Variants in CLIP1 observed in about 807,000 individuals in gnomAD.
CLIP1 encodes CAP-Gly domain containing linker protein 1.
Under a neutral mutation model 161.6 loss-of-function variants are expected in CLIP1, and 66 were observed. The observed-to-expected ratio is 0.41, with a 90% confidence interval of 0.33 to 0.50. The LOEUF (loss-of-function observed/expected upper bound fraction) is 0.50, where lower values mean the gene tolerates loss of function less well. Ranked by LOEUF, CLIP1 falls within the 20% of genes least tolerant of loss-of-function variation. The probability of loss-of-function intolerance (pLI) is 0.27; values close to 1 mark genes in which losing one functional copy is unlikely to be tolerated. For synonymous variants in CLIP1, 598 were observed against 626.2 expected, an observed-to-expected ratio of 0.96 and a Z score of 0.67; for missense variants, 1,376 against 1,702.0, an observed-to-expected ratio of 0.81 and a Z score of 3.37.
chr12:122,419,057 A>G (rs962672266), intron 1 of CLIP1, among the ~76,000 whole-genome samples: 1 of 152,168 alleles, frequency 6.6e-6, no homozygotes, highest in South Asian at 2.1e-4. Flanking sequence ...TCTGACATTT[A>G]TGAACCTTAT....
Position 122,336,702 on chromosome 12 carries a change from G to C in CLIP1, c.2498C>G (p.Thr833Ser). 7 of 1,612,038 alleles carry C rather than the reference G, an allele frequency of 4.3e-6. No individual in the cohort carries two copies. Among genetic ancestry groups the C allele is most frequent in the Non-Finnish European group, 5.9e-6 (7 of 1,179,040 alleles). The change falls in exon 12 of 26, where the codon ACT becomes AGT. Residue 833 changes from threonine to serine, a missense_variant. Physicochemically the swap from Thr to Ser is moderately conservative, Grantham distance 58. Coordinates refer to ENST00000620786, the MANE Select transcript of CLIP1 (RefSeq NM_001247997.2). ...TTCACTCAAATTTTCCTGAAGGTTA[G>C]TAAGCTTTAGCTCTCTCCCCTGGAG... ...RELQGRELKL[T>S]NLQENLSEVS...
At chr12:122,407,221 G>A (rs1956357402) in intron 1 of CLIP1, among the ~76,000 whole-genome samples, 1 of 152,144 alleles carries the variant, frequency 6.6e-6, no homozygotes, top group Non-Finnish European at 1.5e-5. Flanking sequence ...TAGCAATCTA[G>A]TTCAACTCTC....
chr12:122,359,630 C>T (rs778330309), intron 5 of CLIP1, among the ~76,000 whole-genome samples: 38 of 152,128 alleles, frequency 2.5e-4, no homozygotes, highest in Non-Finnish European at 4.7e-4. Context: ...CCTCTTTATG[C>T]GCAAATGGAA....
At chr12:122,384,731 G>A (rs1478880353) in intron 1 of CLIP1, among the ~76,000 whole-genome samples, 3 of 150,862 alleles carry the variant, frequency 2.0e-5, no homozygotes, top group South Asian at 2.1e-4. Flanking sequence ...ACTGCACTCC[G>A]GCCTGGGTGA....
chr12:122,422,471 G>C (rs1186437610), intron 1 of CLIP1, 50 bp downstream of exon 1: 1 of 151,732 alleles, frequency 6.6e-6, no homozygotes, highest in Non-Finnish European at 1.5e-5. Context: ...GCCGGCAGGG[G>C]AGCAGGGGGT....
At chr12:122,314,800 T>G (rs1175395092) in intron 19 of CLIP1, among the ~76,000 whole-genome samples, 1 of 152,204 alleles carries the variant, frequency 6.6e-6, no homozygotes, top group African/African-American at 2.4e-5. Context: ...GCTTCCTGAA[T>G]GAATAGAACT....
intron 2 of CLIP1, among the ~76,000 whole-genome samples, chr12:122,379,267 C>T (rs1954890277): frequency 6.7e-6 from 1 of 150,292 alleles, no homozygotes; most frequent in African/African-American, 2.5e-5. Context: ...GAGATTGAGC[C>T]ACTGCATTCC....
chr12:122,276,357 A>G (rs1566066516), intron 24 of CLIP1: 1 of 1,140,926 alleles, frequency 8.8e-7, no homozygotes, highest in Non-Finnish European at 1.1e-6. Flanking sequence ...AAAAGCCACA[A>G]AATGGACATA....
At chr12:122,414,615 C>T (rs927368249) in intron 1 of CLIP1, among the ~76,000 whole-genome samples, 3 of 152,052 alleles carry the variant, frequency 2.0e-5, no homozygotes, top group African/African-American at 7.2e-5. Context: ...CAGGCACCTG[C>T]CACCATGCCT....
intron 1 of CLIP1, among the ~76,000 whole-genome samples, chr12:122,390,281 T>TACATATATATATATATATATATAC (rs34862258): frequency 1.8e-5 from 2 of 110,434 alleles, no homozygotes; most frequent in African/African-American, 4.2e-5. Context: ...TATATATACA[T>TACATATATATATATATATATATAC]ATATATATAT....
Position 122,327,062 on chromosome 12 carries a change from T to G in CLIP1, c.3249+885A>C, listed in dbSNP as rs576672316. Reference sequence around the variant, plus strand: ...TAAACTCCTATAAACACATTAAAAATAAAGAAAGGTGAATATTTACTTTCC... The same window carrying G: ...TAAACTCCTATAAACACATTAAAAAGAAAGAAAGGTGAATATTTACTTTCC... On this transcript the variant is annotated intron_variant, in intron 17 of 25. Transcript: ENST00000620786. Among the ~76,000 whole-genome samples the G allele has an allele frequency of 4.6e-5, 7 of 152,262 alleles. No homozygotes were observed. In the East Asian group the frequency reaches 7.7e-4, roughly 17 times the overall value.
Position 122,383,515 on chromosome 12 carries a change from CTCTGGTTGTCGGTCCA to C in CLIP1, c.-106-2973_-106-2958del, listed in dbSNP as rs1267699643. ...GGGCTCTGTTGTCCAATCCTCATGC[CTCTGGTTGTCGGTCCA>C]TCTGTGTTCCTTGAATCCTAACGCG... On this transcript the variant is annotated intron_variant, in intron 1 of 25. Coordinates refer to ENST00000620786, the MANE Select transcript of CLIP1 (RefSeq NM_001247997.2). Among the ~76,000 whole-genome samples, 4 of 152,298 alleles carry C rather than the reference CTCTGGTTGTCGGTCCA, an allele frequency of 2.6e-5. No individual in the cohort carries two copies. The East Asian group carries it at 7.7e-4, about 29-fold the overall frequency.
intron 21 of CLIP1, among the ~76,000 whole-genome samples, chr12:122,287,384 G>A (rs1425099126): frequency 6.6e-6 from 1 of 152,156 alleles, no homozygotes; most frequent in African/African-American, 2.4e-5. Context: ...GCCCTGACGA[G>A]TGGGAATAAT....
At chr12:122,287,230 G>A (rs1012841395) in intron 21 of CLIP1, among the ~76,000 whole-genome samples, 1 of 152,028 alleles carries the variant, frequency 6.6e-6, no homozygotes, top group African/African-American at 2.4e-5. Flanking sequence ...AAGGCCTAAC[G>A]TCCTTTAGAA....
At chr12:122,389,480 C>A (rs1015966992) in intron 1 of CLIP1, among the ~76,000 whole-genome samples, 3 of 152,022 alleles carry the variant, frequency 2.0e-5, no homozygotes, top group Non-Finnish European at 4.4e-5. Context: ...TATAAAGGGC[C>A]GGGTGCGGTG....
intron 15 of CLIP1, among the ~76,000 whole-genome samples, chr12:122,330,206 G>T (rs1243380119): frequency 2.6e-5 from 4 of 152,098 alleles, no homozygotes; most frequent in Non-Finnish European, 5.9e-5. Context: ...AAACTTGGGG[G>T]GCACTTCTGA....
In CLIP1 at chr12:122,274,052, T is replaced by C; in HGVS notation, c.4077A>G (p.Leu1359=). 1 of 1,613,832 alleles carries C rather than the reference T, an allele frequency of 6.2e-7. No homozygotes were observed. Among genetic ancestry groups the C allele is most frequent in the African/African-American group, 1.3e-5 (1 of 75,028 alleles). The change falls in exon 25 of 26, where the codon CTA becomes CTG. Residue 1359 remains leucine (L), a synonymous_variant. Coordinates refer to ENST00000620786, the MANE Select transcript of CLIP1 (RefSeq NM_001247997.2). The part of the protein sequence containing the change: ...EAALNGNGDD[L]NNYDSDDQEK... The stretch of plus-strand genomic sequence containing the variant: ...ATATGAAATACCTGTCATAATTGTT[T>C]AGGTCATCCCCGTTCCCATTCAGGG...
rs1171543390 is a variant in CLIP1 at position 122,380,495 on chromosome 12, C to T, written c.-43G>A. 1 of 1,266,716 alleles carries T rather than the reference C, an allele frequency of 7.9e-7. No homozygotes were observed. The highest frequency in any genetic ancestry group is 1.1e-6 in the Non-Finnish European group (1 of 872,418). The allele number at this position is 1,266,716 out of a possible 1,614,324, so 78.5% of individuals were successfully genotyped here. ...GCTGTTTCTCCTTTGCCTGTTGCCACTATCTTTCCCCAACCATTGATACAA... is the reference window on the plus strand; with the variant it reads ...GCTGTTTCTCCTTTGCCTGTTGCCATTATCTTTCCCCAACCATTGATACAA... On this transcript the variant is annotated 5_prime_UTR_variant, in exon 2 of 26. In the 5' UTR this introduces an upstream ATG that the reference lacks. Transcript: ENST00000620786.
chr12:122,341,919 G>T, intron 10 of CLIP1: 1 of 327,138 alleles, frequency 3.1e-6, no homozygotes, highest in East Asian at 5.1e-5. Context: ...GAGTAGCTAG[G>T]ATTACAGGCA....
Sources: allele counts gnomAD v4.1 joint callset (sites outside exome capture counted in the v4.1 genomes callset), GRCh38; gene constraint gnomAD v4.1.1; transcripts MANE v1.5; gene names NCBI Gene and HGNC (gene_info 2026-07-23, HGNC 2026-07-21).